The following SMARCA2 variants were observed in gnomAD, a reference collection of about 807,000 sequenced individuals.
The protein encoded by SMARCA2 is SWI/SNF-related matrix-associated actin-dependent regulator of chromatin subfamily A member 2.
SMARCA2 carries 61 observed loss-of-function variants against 199.8 expected under a neutral mutation model. That is an observed-to-expected ratio of 0.31 (90% CI 0.25 to 0.38). The LOEUF (loss-of-function observed/expected upper bound fraction) is 0.38. Ranked by LOEUF, SMARCA2 falls within the 10% of genes least tolerant of loss-of-function variation. The probability of loss-of-function intolerance (pLI) is 1.00; values close to 1 mark genes in which losing one functional copy is unlikely to be tolerated. For synonymous variants in SMARCA2, 935 were observed against 732.0 expected (o/e 1.28, Z -4.48); for missense variants, 1,344 against 2,012.2 (o/e 0.67, Z 6.35).
At chr9:2,155,236 G>A (rs929941205) in intron 27 of SMARCA2, among the ~76,000 whole-genome samples, 1 of 152,034 alleles carries the variant, frequency 6.6e-6, no homozygotes, top group Non-Finnish European at 1.5e-5. Flanking sequence ...TCAGTCACAT[G>A]GGTTCTTAGT....
intron 4 of SMARCA2, chr9:2,040,537 G>C (rs1382332928): frequency 6.6e-6 from 1 of 152,554 alleles, no homozygotes; most frequent in African/African-American, 2.4e-5. Flanking sequence ...CTGTATCTAA[G>C]TCTCGCCCTT....
At chr9:2,030,599 C>T (rs914012963) in intron 2 of SMARCA2, among the ~76,000 whole-genome samples, 33 of 150,834 alleles carry the variant, frequency 2.2e-4, no homozygotes, top group Admixed American at 2.0e-4. Context: ...TGAGGCCCAC[C>T]GACATTGCTG....
intron 27 of SMARCA2, among the ~76,000 whole-genome samples, chr9:2,137,276 G>T (rs1345743022): frequency 6.6e-6 from 1 of 152,224 alleles, no homozygotes; most frequent in East Asian, 1.9e-4. Flanking sequence ...AGAGAGGTCA[G>T]TGGGAACTTA....
chr9:2,085,998 A>T (rs1459688115), intron 17 of SMARCA2: 1 of 152,302 alleles, frequency 6.6e-6, no homozygotes, highest in African/African-American at 2.4e-5. Flanking sequence ...GGGCCATATA[A>T]GCATTCTGGA....
Position 2,170,300 on chromosome 9 carries a change from C to A in SMARCA2, c.4200-119C>A. The A allele has an allele frequency of 8.0e-7, 1 of 1,255,480 alleles. No homozygotes were observed. The highest frequency in any genetic ancestry group is 1.1e-6 in the Non-Finnish European group (1 of 895,574). 77.8% of individuals were successfully genotyped at this position (1,255,480 alleles called of 1,614,324 possible). ...ACATAACCCCGTGTAATCTTCCTAA[C>A]AAGGCAGGTTGGTGAGGAGACTGAG... On this transcript the variant is annotated intron_variant, in intron 28 of 33. Coordinates refer to ENST00000349721, the MANE Select transcript of SMARCA2 (RefSeq NM_003070.5). This position sits in a 1 kb window ranked among gnomAD's most constrained non-coding sequence, Gnocchi z 4.7.
rs1317292465 is a variant in SMARCA2 at position 2,170,012 on chromosome 9, T to C, written c.4200-407T>C. ...TTTATCCTATTTAATTTTTATAACT[T>C]TCTGAGGTAAGTATTTCCCCCATTT... On this transcript the variant is annotated intron_variant, in intron 28 of 33. Coordinates refer to ENST00000349721, the MANE Select transcript of SMARCA2 (RefSeq NM_003070.5). The surrounding 1 kb of genome is among the most constrained non-coding windows in gnomAD (Gnocchi z 4.7). Among the ~76,000 whole-genome samples the C allele has an allele frequency of 6.6e-6, 1 of 152,110 alleles. No individual in the cohort carries two copies. The highest frequency in any genetic ancestry group is 1.5e-5 in the Non-Finnish European group (1 of 68,020).
chr9:2,062,259 CAGAG>C (rs1326630743), intron 9 of SMARCA2, among the ~76,000 whole-genome samples: 1 of 152,022 alleles, frequency 6.6e-6, no homozygotes, highest in African/African-American at 2.4e-5. Context: ...ATATTGATAG[CAGAG>C]AGAGAGATGG....
chr9:2,047,134 C>A, intron 4 of SMARCA2, 95 bp from the exon 5 acceptor site: 1 of 921,488 alleles, frequency 1.1e-6, no homozygotes, highest in Non-Finnish European at 1.3e-6. Flanking sequence ...ACTTAATGGT[C>A]CCCAGCACTG....
chr9:2,035,468 C>G (rs1488988323), intron 3 of SMARCA2, among the ~76,000 whole-genome samples: 1 of 152,190 alleles, frequency 6.6e-6, no homozygotes, highest in African/African-American at 2.4e-5. Flanking sequence ...CTAGGAAAAC[C>G]TGAAAACTAA....
At position 2,081,981 on chromosome 9, in the gene SMARCA2, C is replaced by T. The variant is rs1251678410; in HGVS notation, c.2334C>T (p.Ile778=). Residue 778 remains isoleucine, a synonymous_variant, in exon 15 of 34, where the codon ATC becomes ATT. Coordinates refer to ENST00000349721, the MANE Select transcript of SMARCA2 (RefSeq NM_003070.5). ...EHKRLNGPYL[I]IVPLSTLSNW... ...AAAGACTCAATGGCCCCTATCTCAT[C>T]ATTGTTCCCCTTTCGTAAGTAAAGT... The T allele has an allele frequency of 2.5e-6, 4 of 1,613,092 alleles. No individual in the cohort carries two copies. The African/African-American group carries it at 4.0e-5, about 16-fold the overall frequency.
chr9:2,167,788 G>C (rs1368423445), intron 28 of SMARCA2, among the ~76,000 whole-genome samples: 2 of 152,104 alleles, frequency 1.3e-5, no homozygotes, highest in African/African-American at 4.8e-5. Flanking sequence ...TTCCAGGACT[G>C]TACTCTTGAA....
Position 2,119,676 on chromosome 9 carries a change from C to T in SMARCA2, c.3762+141C>T, listed in dbSNP as rs1276848585. 3 of 615,534 alleles carry T rather than the reference C, an allele frequency of 4.9e-6. No individual in the cohort carries two copies. Among genetic ancestry groups the T allele is most frequent in the Admixed American group, 5.2e-5 (2 of 38,172 alleles). The allele number at this position is 615,534 out of a possible 1,614,324, so 38.1% of individuals were successfully genotyped here. A position where few individuals can be genotyped will look rare whatever the true frequency, so the allele number is the denominator to read the frequency against. On this transcript the variant is annotated intron_variant, in intron 26 of 33. Transcript: ENST00000349721. The surrounding 1 kb of genome is among the most constrained non-coding windows in gnomAD (Gnocchi z 4.6). ...TTTCCTTCAGTTCAGAGGCTGCAAA[C>T]TGGCTGGAGTTAGCCTGCAGACATA...
intron 26 of SMARCA2, among the ~76,000 whole-genome samples, chr9:2,122,356 A>T (rs1020210942): frequency 5.9e-5 from 9 of 152,152 alleles, no homozygotes; most frequent in African/African-American, 2.2e-4. Context: ...CTCTCTAATA[A>T]CTATTAGGAG....
chr9:2,167,744 C>A lies in SMARCA2; in HGVS notation c.4200-2675C>A, dbSNP rs1376982222. Among the ~76,000 whole-genome samples, 4 of 152,194 alleles carry A rather than the reference C, an allele frequency of 2.6e-5. No homozygotes were observed. In the South Asian group the frequency reaches 8.3e-4, roughly 31 times the overall value. ...CTCACATTGGAGAAAATCATTCATT[C>A]TTTTTAGAAATATTTCCTTCATTGT... is the stretch of plus-strand genomic sequence containing the variant. On this transcript the variant is annotated intron_variant, in intron 28 of 33. Transcript: ENST00000349721.
At chr9:2,090,310 G>C (rs1373995559) in intron 19 of SMARCA2, among the ~76,000 whole-genome samples, 1 of 152,094 alleles carries the variant, frequency 6.6e-6, no homozygotes, top group Non-Finnish European at 1.5e-5. Flanking sequence ...TTATATTTGA[G>C]GTATGTAAAA....
chr9:2,183,832 C>G (rs530182887), intron 31 of SMARCA2, among the ~76,000 whole-genome samples: 19 of 152,274 alleles, frequency 1.2e-4, no homozygotes, highest in African/African-American at 4.3e-4. Flanking sequence ...TTGTGAATGA[C>G]AGACAGTTTG....
intron 27 of SMARCA2, among the ~76,000 whole-genome samples, chr9:2,144,077 G>T (rs1462319599): frequency 6.6e-6 from 1 of 151,994 alleles, no homozygotes; most frequent in Non-Finnish European, 1.5e-5. Flanking sequence ...AGATGGGGGG[G>T]GATGTAGGCA....
chr9:2,077,578 A>T, intron 13 of SMARCA2, 51 bp from the exon 14 acceptor site: 1 of 1,570,568 alleles, frequency 6.4e-7, no homozygotes, highest in Non-Finnish European at 8.7e-7. Flanking sequence ...AAGTAAAACA[A>T]CACATGCACG....
chr9:2,182,379 G>C (rs886879925), intron 31 of SMARCA2, 137 bp downstream of exon 31: 2 of 589,066 alleles, frequency 3.4e-6, no homozygotes, highest in African/African-American at 3.8e-5. Flanking sequence ...TATGTTCCTT[G>C]CTACCTGTGT....
Sources: gnomAD v4.1 joint callset for allele counts (sites outside exome capture counted in the v4.1 genomes callset) on GRCh38, gnomAD v4.1.1 for gene constraint, Gnocchi (gnomAD v3.1) non-coding constraint, MANE v1.5 for transcripts, NCBI Gene and HGNC (gene_info 2026-07-23, HGNC 2026-07-21) for gene names.